Variants in ADGRL2 observed in about 807,000 individuals in gnomAD.
ADGRL2 encodes calcium-independent alpha-latrotoxin receptor 2.
In ADGRL2, 44 loss-of-function variants were observed where a neutral mutation model predicts 157.4. The observed-to-expected ratio is 0.28, with a 90% CI of 0.22 to 0.36. ADGRL2 has a LOEUF of 0.36. ADGRL2 is among the 10% of genes least tolerant of loss of function. ADGRL2 has a pLI of 1.00. For missense variants in ADGRL2, 1,510 were observed against 1,768.9 expected (o/e 0.85, Z 2.63); for synonymous variants, 585 against 624.7 (o/e 0.94, Z 0.95).
intron 3 of ADGRL2, among the ~76,000 whole-genome samples, chr1:81,686,427 G>A (rs777956925): frequency 1.2e-4 from 18 of 152,122 alleles, no homozygotes; most frequent in Non-Finnish European, 2.2e-4. Context: ...GTGTGTAAAG[G>A]TGTTCATAGT....
At chr1:81,761,394 A>T (rs2085876480) in intron 1 of ADGRL2, among the ~76,000 whole-genome samples, 1 of 151,938 alleles carries the variant, frequency 6.6e-6, no homozygotes, top group Non-Finnish European at 1.5e-5. Context: ...ATTATACTTT[A>T]AAAAACTGAT....
rs1351154116 is a variant in ADGRL2 at position 81,558,409 on chromosome 1, CATT to C, written c.-247-22466_-247-22464del. Among the ~76,000 whole-genome samples the C allele has an allele frequency of 2.6e-5, 4 of 152,100 alleles. No individual in the cohort carries two copies. In the East Asian group the frequency reaches 5.8e-4, roughly 22 times the overall value. ...CATGAATCAGTAAGAAATAAACAGT[CATT>C]TGAATGTCAGAATCATATCAAATTA... On this transcript the variant is annotated intron_variant, in intron 2 of 24. Coordinates refer to the ADGRL2 transcript ENST00000370721.
At chr1:81,316,952 C>T (rs879827529) in intron 1 of ADGRL2, among the ~76,000 whole-genome samples, 3 of 152,152 alleles carry the variant, frequency 2.0e-5, no homozygotes, top group Admixed American at 6.6e-5. Context: ...TGGAATTTGA[C>T]CTTTCTTTGT....
rs76885300 is a variant in ADGRL2 at position 81,897,513 on chromosome 1, G to T, written c.74-9504G>T. 3.4e-3 allele frequency among the ~76,000 whole-genome samples: 515 copies of T among 152,250 alleles called. 20 individuals carry two copies. The South Asian group carries it at 0.054, about 16-fold the overall frequency. On this transcript the variant is annotated intron_variant, in intron 2 of 23. Coordinates refer to ENST00000686636, the MANE Select transcript of ADGRL2 (RefSeq NM_001366006.2). ...TTAATTAGTGGTAGATAATTTAGAA[G>T]TTTTTAGGTAGGAGAAATTAATTTC...
chr1:81,388,699 C>G (rs777957790), intron 1 of ADGRL2, among the ~76,000 whole-genome samples: 1 of 152,140 alleles, frequency 6.6e-6, no homozygotes, highest in Admixed American at 6.6e-5. Context: ...GCCCTCACAT[C>G]GGATCTGCGG....
intron 1 of ADGRL2, chr1:81,721,749 C>G (rs72715729): frequency 4.8e-5 from 68 of 1,424,444 alleles, no homozygotes; most frequent in Non-Finnish European, 6.3e-5. Context: ...AAGCAGGATC[C>G]GAGCATTCTG....
At chr1:81,328,273 G>T (rs563933703) in intron 1 of ADGRL2, among the ~76,000 whole-genome samples, 1 of 152,192 alleles carries the variant, frequency 6.6e-6, no homozygotes, top group South Asian at 2.1e-4. Context: ...CCAGAGAACA[G>T]TAAATTTATA....
chr1:81,383,397 G>A (rs1434495666), intron 1 of ADGRL2, among the ~76,000 whole-genome samples: 2 of 151,948 alleles, frequency 1.3e-5, no homozygotes, highest in Non-Finnish European at 2.9e-5. Context: ...TGGGAGGGAG[G>A]AACGGAATGA....
rs536902472 is a variant in ADGRL2, at chr1:81,491,686, G to T, written c.-248+46597G>T. 1.8e-3 allele frequency among the ~76,000 whole-genome samples: 280 copies of T among 152,190 alleles called. 2 individuals are homozygous for T. In the South Asian group the frequency reaches 0.028, roughly 15 times the overall value. ...TCTTATTTCCACAGGGAATAGAAAA[G>T]GTGCTAAAAGAAAACATTTTAACCC... On this transcript the variant is annotated intron_variant, in intron 2 of 24. Transcript: ENST00000370721.
intron 1 of ADGRL2, among the ~76,000 whole-genome samples, chr1:81,438,039 G>GA (rs36104208): frequency 1.0e-3 from 151 of 144,114 alleles, no homozygotes; most frequent in African/African-American, 2.0e-3. Context: ...CCTGTTTGGG[G>GA]AAAAAAAAAA....
chr1:81,978,890 T>C (rs571443299), intron 17 of ADGRL2, among the ~76,000 whole-genome samples: 1 of 151,804 alleles, frequency 6.6e-6, no homozygotes, highest in Non-Finnish European at 1.5e-5. Flanking sequence ...GGTATTCTCT[T>C]AAGTAACGTA....
intron 1 of ADGRL2, among the ~76,000 whole-genome samples, chr1:81,379,659 G>A (rs2076310497): frequency 6.6e-6 from 1 of 152,186 alleles, no homozygotes; most frequent in South Asian, 2.1e-4. Context: ...TGGCCTGCCT[G>A]CATGCTGGCG....
At chr1:81,952,820 C>G (rs1013382856) in intron 9 of ADGRL2, among the ~76,000 whole-genome samples, 167 bp from the exon 10 acceptor site, 2 of 151,926 alleles carry the variant, frequency 1.3e-5, no homozygotes, top group Non-Finnish European at 2.9e-5. Flanking sequence ...GAATAAAAAA[C>G]TGTAAATAAG....
intron 3 of ADGRL2, among the ~76,000 whole-genome samples, chr1:81,616,392 T>A (rs1339992360): frequency 1.3e-5 from 2 of 152,158 alleles, no homozygotes; most frequent in African/African-American, 4.8e-5. Flanking sequence ...ATATTTGGAA[T>A]TGTGCAAAAT....
rs558137662 is a variant in ADGRL2 at position 81,903,970 on chromosome 1, G to A, written c.74-3047G>A. Among the ~76,000 whole-genome samples, 13 of 151,552 alleles carry A rather than the reference G, an allele frequency of 8.6e-5. No homozygotes were observed. In the South Asian group the frequency reaches 2.7e-3, roughly 32 times the overall value. On this transcript the variant is annotated intron_variant, in intron 2 of 23. Transcript: ENST00000686636. ...TTGACAATTTAAATATTTTTTTGGT[G>A]GGGGAGATGGCATATAATTTTCATT...
In ADGRL2 at chr1:81,378,956, G is replaced by C. The variant is rs188881960; in HGVS notation, c.-301-66080G>C. ...AAAATTTTCTGCTGAAGTGATCATTGAAAGATGATATTTGATTGCCATATT... is the reference window on the plus strand; with the variant it reads ...AAAATTTTCTGCTGAAGTGATCATTCAAAGATGATATTTGATTGCCATATT... On this transcript the variant is annotated intron_variant, in intron 1 of 24. Transcript: ENST00000370721. Among the ~76,000 whole-genome samples, 86 of 152,248 alleles carry C rather than the reference G, an allele frequency of 5.6e-4. 2 individuals carry two copies. The East Asian group carries it at 0.016, about 28-fold the overall frequency.
At chr1:81,604,235 G>A (rs1389612439) in intron 3 of ADGRL2, among the ~76,000 whole-genome samples, 1 of 152,144 alleles carries the variant, frequency 6.6e-6, no homozygotes, top group Non-Finnish European at 1.5e-5. Flanking sequence ...AAAGTGCTGG[G>A]ATTACAGGCG....
chr1:81,469,594 C>A (rs1430355896), intron 2 of ADGRL2, among the ~76,000 whole-genome samples: 1 of 152,128 alleles, frequency 6.6e-6, no homozygotes, highest in East Asian at 1.9e-4. Flanking sequence ...AAAAAGTTTC[C>A]TTTTCAGCAT....
intron 2 of ADGRL2, among the ~76,000 whole-genome samples, chr1:81,848,317 T>C (rs2092872595): frequency 6.6e-6 from 1 of 151,830 alleles, no homozygotes; most frequent in Non-Finnish European, 1.5e-5. Flanking sequence ...TATTTTGATT[T>C]TTTTGGTGGA....
Sources: allele counts gnomAD v4.1 joint callset (sites outside exome capture counted in the v4.1 genomes callset), GRCh38; gene constraint gnomAD v4.1.1; transcripts MANE v1.5; gene names NCBI Gene and HGNC (gene_info 2026-07-23, HGNC 2026-07-21).